Variants in NRXN3 observed in about 807,000 individuals in gnomAD.
The protein encoded by NRXN3 is neurexin III.
A neutral mutation model predicts 137.6 loss-of-function variants in NRXN3; 32 were observed. The observed-to-expected ratio is 0.23, with a 90% CI of 0.18 to 0.31. NRXN3 has a LOEUF of 0.31. Among genes scored for constraint, NRXN3 ranks in the 10% least tolerant of loss-of-function variants. The probability of loss-of-function intolerance (pLI) is 1.00; values close to 1 mark genes in which losing one functional copy is unlikely to be tolerated. For synonymous variants in NRXN3, 798 were observed against 784.5 expected (o/e 1.02, Z -0.29); for missense variants, 1,574 against 2,062.5 (o/e 0.76, Z 4.59).
At chr14:79,177,283 G>A (rs1456164847) in intron 15 of NRXN3, among the ~76,000 whole-genome samples, 2 of 152,158 alleles carry the variant, frequency 1.3e-5, no homozygotes, top group Non-Finnish European at 2.9e-5. Context: ...GTTGGGGGAA[G>A]AGAGCATAAA....
chr14:78,429,869 T>G (rs1299806187), intron 4 of NRXN3, among the ~76,000 whole-genome samples: 1 of 152,248 alleles, frequency 6.6e-6, no homozygotes, highest in Non-Finnish European at 1.5e-5. Context: ...TGTCTCAGAC[T>G]TATCCCCTAT....
At chr14:78,693,885 C>T (rs1047080945) in intron 6 of NRXN3, among the ~76,000 whole-genome samples, 1 of 151,876 alleles carries the variant, frequency 6.6e-6, no homozygotes, top group African/African-American at 2.4e-5. Flanking sequence ...CATTTTTCAG[C>T]CTCAACTCAA....
intron 10 of NRXN3, among the ~76,000 whole-genome samples, chr14:78,949,202 A>C (rs1012051025): frequency 6.6e-6 from 1 of 151,962 alleles, no homozygotes; most frequent in Non-Finnish European, 1.5e-5. Context: ...AAATTTGTCA[A>C]ATTCACTCTA....
intron 4 of NRXN3, among the ~76,000 whole-genome samples, chr14:78,446,080 A>T (rs1400113049): frequency 6.6e-6 from 1 of 152,178 alleles, no homozygotes; most frequent in Non-Finnish European, 1.5e-5. Flanking sequence ...CAGTGCGTGC[A>T]CCTGACCTTG....
chr14:78,748,318 T>C (rs1389026226), intron 8 of NRXN3, among the ~76,000 whole-genome samples: 2 of 151,004 alleles, frequency 1.3e-5, no homozygotes, highest in African/African-American at 4.9e-5. Context: ...TGAACATTCA[T>C]GGTAAAGAGA....
At chr14:79,387,000 T>C (rs1457884902) in intron 15 of NRXN3, among the ~76,000 whole-genome samples, 3 of 152,128 alleles carry the variant, frequency 2.0e-5, no homozygotes, top group Non-Finnish European at 4.4e-5. Flanking sequence ...ATAAAAACTC[T>C]AGAAGAAAAC....
At chr14:79,063,362 C>A (rs560319128) in intron 15 of NRXN3, among the ~76,000 whole-genome samples, 1 of 152,182 alleles carries the variant, frequency 6.6e-6, no homozygotes, top group South Asian at 2.1e-4. Context: ...TGGCTCACTG[C>A]AACCTCTGCC....
At chr14:79,310,986 G>A (rs1414863456) in intron 15 of NRXN3, among the ~76,000 whole-genome samples, 15 of 128,978 alleles carry the variant, frequency 1.2e-4, no homozygotes, top group Admixed American at 8.6e-4. Context: ...TAGGAGCGGT[G>A]ACAGAGGGCA....
chr14:79,005,971 T>A (rs962363597), intron 15 of NRXN3, among the ~76,000 whole-genome samples: 3 of 152,218 alleles, frequency 2.0e-5, no homozygotes, highest in Admixed American at 6.5e-5. Context: ...CTGTGAGTTC[T>A]ACAGGGTAGG....
chr14:79,710,878 G>C (rs2098801252), intron 19 of NRXN3, among the ~76,000 whole-genome samples: 1 of 152,162 alleles, frequency 6.6e-6, no homozygotes, highest in East Asian at 1.9e-4. Flanking sequence ...AAATTTTTCT[G>C]CTTTAGAGGA....
At chr14:78,178,479 G>A (rs1027479002) in intron 1 of NRXN3, among the ~76,000 whole-genome samples, 1 of 152,188 alleles carries the variant, frequency 6.6e-6, no homozygotes, top group Non-Finnish European at 1.5e-5. Context: ...CCTTGTCTGA[G>A]GAGGGAGTTG....
chr14:78,525,255 C>G (rs1252389654), intron 4 of NRXN3, among the ~76,000 whole-genome samples: 4 of 152,130 alleles, frequency 2.6e-5, no homozygotes, highest in Admixed American at 1.3e-4. Flanking sequence ...GGCTTTCTCC[C>G]TTGTCTCAAA....
Position 78,687,249 on chromosome 14 carries a change from G to A in NRXN3, c.1222-21968G>A, listed in dbSNP as rs117387062. The stretch of plus-strand genomic sequence containing the variant: ...GGTTACAATGAAAAAGCCATCAAGC[G>A]CTATTTAGCAAGGGAGTGACTGGTC... On this transcript the variant is annotated intron_variant, in intron 6 of 20. Transcript: ENST00000335750. Among the ~76,000 whole-genome samples, 341 of 152,314 alleles carry A rather than the reference G, an allele frequency of 2.2e-3. 1 individual carries two copies. Among genetic ancestry groups the A allele is most frequent in the East Asian group, 0.019 (99 of 5,184 alleles).
At chr14:78,579,488 A>G (rs915119473) in intron 4 of NRXN3, among the ~76,000 whole-genome samples, 1 of 152,018 alleles carries the variant, frequency 6.6e-6, no homozygotes, top group Admixed American at 6.6e-5. Context: ...TGAGATCCAC[A>G]GGGTAGTCTC....
At chr14:78,365,799 G>T (rs1307142673) in intron 4 of NRXN3, among the ~76,000 whole-genome samples, 1 of 152,152 alleles carries the variant, frequency 6.6e-6, no homozygotes, top group Non-Finnish European at 1.5e-5. Flanking sequence ...TATATGCCAG[G>T]CACTCTTCTT....
At chr14:78,539,799 A>G (rs1381092705) in intron 4 of NRXN3, among the ~76,000 whole-genome samples, 1 of 152,108 alleles carries the variant, frequency 6.6e-6, no homozygotes, top group Non-Finnish European at 1.5e-5. Flanking sequence ...AGATTCTGGT[A>G]TGTTGTGTCT....
chr14:78,690,550 G>GCT (rs771747946), intron 6 of NRXN3, among the ~76,000 whole-genome samples: 1 of 152,158 alleles, frequency 6.6e-6, no homozygotes, highest in African/African-American at 2.4e-5. Flanking sequence ...CATTCAGTAA[G>GCT]CTCTCCATGG....
intron 10 of NRXN3, among the ~76,000 whole-genome samples, chr14:78,938,406 G>A (rs555454909): frequency 7.0e-4 from 106 of 152,206 alleles, no homozygotes; most frequent in African/African-American, 2.3e-3. Flanking sequence ...TAGTTTGCTG[G>A]CTTCAGTTTC....
intron 15 of NRXN3, among the ~76,000 whole-genome samples, chr14:79,067,092 G>C (rs1258319338): frequency 6.6e-6 from 1 of 152,064 alleles, no homozygotes; most frequent in African/African-American, 2.4e-5. Flanking sequence ...GTATGATATT[G>C]ACTGTGGGTT....
Sources: gnomAD v4.1 joint callset for allele counts (sites outside exome capture counted in the v4.1 genomes callset) on GRCh38, gnomAD v4.1.1 for gene constraint, MANE v1.5 for transcripts, NCBI Gene and HGNC (gene_info 2026-07-23, HGNC 2026-07-21) for gene names.